Variants in PHKA1 observed in about 807,000 individuals in gnomAD.
The protein encoded by PHKA1 is phosphorylase b kinase regulatory subunit alpha, skeletal muscle isoform.
In PHKA1, 60 loss-of-function variants were observed where a neutral mutation model predicts 110.2. The observed-to-expected ratio is 0.54, with a 90% confidence interval of 0.44 to 0.68. The LOEUF (loss-of-function observed/expected upper bound fraction) is 0.68. Among genes scored for constraint, PHKA1 ranks in the 30% least tolerant of loss-of-function variants. PHKA1 has a pLI of 0.00. For missense variants in PHKA1, 801 were observed against 942.5 expected (o/e 0.85, Z 1.97); for synonymous variants, 316 against 333.6 (o/e 0.95, Z 0.58).
intron 4 of PHKA1, among the ~76,000 whole-genome samples, chrX:72,694,954 G>A (rs1208046068): frequency 8.9e-6 from 1 of 111,759 alleles, no homozygotes; most frequent in East Asian, 2.8e-4. Flanking sequence ...TGGGTAGCCA[G>A]TTCATACTTT....
Position 72,657,426 on chromosome X carries a change from G to T in PHKA1, c.918+162C>A, listed in dbSNP as rs189664142. 3.1e-3 allele frequency among the ~76,000 whole-genome samples: 346 copies of T among 111,995 alleles called. 1 individual carries two copies. Among genetic ancestry groups the T allele is most frequent in the African/African-American group, 0.011 (337 of 30,856 alleles). On this transcript the variant is annotated intron_variant, in intron 9 of 31. Transcript: ENST00000373542. The stretch of plus-strand genomic sequence containing the variant: ...GAAAGGCCTACAAACTGAGAACTTG[G>T]CAGCTAAGCCAAGTTCAACAAATAT...
At chrX:72,681,396 G>C (rs1416974939) in intron 5 of PHKA1, among the ~76,000 whole-genome samples, 4 of 106,720 alleles carry the variant, frequency 3.7e-5, no homozygotes, top group Non-Finnish European at 5.9e-5. Flanking sequence ...AGGGAGGTGG[G>C]GGGGGGTCAG....
chrX:72,614,226 A>G (rs1271743632), intron 21 of PHKA1, among the ~76,000 whole-genome samples: 1 of 111,280 alleles, frequency 9.0e-6, no homozygotes, highest in African/African-American at 3.3e-5. Context: ...CTTACTCTCA[A>G]ATGGTTCAGA....
intron 7 of PHKA1, among the ~76,000 whole-genome samples, chrX:72,666,573 C>T (rs1171137040): frequency 1.8e-5 from 2 of 111,673 alleles, no homozygotes; most frequent in Non-Finnish European, 3.8e-5. Flanking sequence ...TGAAAATCAT[C>T]CCTTGTCTTA....
At chrX:72,589,543 T>C (rs1459785766) in intron 29 of PHKA1, among the ~76,000 whole-genome samples, 5 of 111,621 alleles carry the variant, frequency 4.5e-5, no homozygotes, top group Non-Finnish European at 9.4e-5. Flanking sequence ...TCTCTCACTA[T>C]TCCTATTCAA....
At chrX:72,686,705 CAG>C (rs2053970811) in intron 4 of PHKA1, among the ~76,000 whole-genome samples, 1 of 111,970 alleles carries the variant, frequency 8.9e-6, no homozygotes, top group Admixed American at 9.5e-5. Context: ...TTCAAACAAA[CAG>C]AAAAATATGG....
intron 29 of PHKA1, among the ~76,000 whole-genome samples, chrX:72,586,415 C>T (rs1026895998): frequency 2.7e-4 from 30 of 111,915 alleles, no homozygotes; most frequent in Admixed American, 8.5e-4. Flanking sequence ...CACCAAAACC[C>T]CATCTGTAGG....
chrX:72,664,282 T>C (rs2053594218), intron 8 of PHKA1, among the ~76,000 whole-genome samples: 1 of 111,070 alleles, frequency 9.0e-6, no homozygotes. Context: ...GGAGTAGCTA[T>C]ACTTATATCA....
At chrX:72,663,384 T>C (rs1333120841) in intron 8 of PHKA1, among the ~76,000 whole-genome samples, 1 of 109,063 alleles carries the variant, frequency 9.2e-6, no homozygotes, top group Admixed American at 9.7e-5. Flanking sequence ...CAGAACACCA[T>C]AAAGCAAACA....
At chrX:72,590,622 G>A (rs2052505771) in intron 29 of PHKA1, among the ~76,000 whole-genome samples, 1 of 111,903 alleles carries the variant, frequency 8.9e-6, no homozygotes, top group Non-Finnish European at 1.9e-5. Flanking sequence ...GAGTGCACAG[G>A]CAACCTACAG....
At chrX:72,614,130 T>TTATACTGTGCTTATGA (rs2052855043) in intron 21 of PHKA1, among the ~76,000 whole-genome samples, 1 of 112,258 alleles carries the variant, frequency 8.9e-6, no homozygotes, top group South Asian at 3.7e-4. Flanking sequence ...ACTTTGGCAA[T>TTATACTGTGCTTATGA]TATACTGTGC....
At chrX:72,647,234 T>G (rs1245413664) in intron 13 of PHKA1, among the ~76,000 whole-genome samples, 1 of 111,788 alleles carries the variant, frequency 8.9e-6, no homozygotes, top group East Asian at 2.8e-4. Context: ...ATCTCAGAAT[T>G]ATTTAGGAAA....
chrX:72,605,474 T>G (rs2052715499), intron 24 of PHKA1, 67 bp downstream of exon 24: 1 of 1,171,340 alleles, frequency 8.5e-7, no homozygotes, highest in South Asian at 1.8e-5. Context: ...CTTTGGAAAT[T>G]GCTAGATCAA....
At chrX:72,711,174 A>G (rs1031285971) in intron 2 of PHKA1, among the ~76,000 whole-genome samples, 1 of 111,434 alleles carries the variant, frequency 9.0e-6, no homozygotes, top group South Asian at 3.8e-4. Context: ...TAAATTCTTT[A>G]TAACTGGGCC....
At chrX:72,607,849 G>A (rs185682749) in intron 23 of PHKA1, among the ~76,000 whole-genome samples, 33 of 111,324 alleles carry the variant, frequency 3.0e-4, no homozygotes, top group Admixed American at 3.0e-3. Context: ...CATCTCCTTT[G>A]CAAAACTTCT....
At chrX:72,704,087 A>G (rs1603275948) in intron 3 of PHKA1, among the ~76,000 whole-genome samples, 1 of 112,644 alleles carries the variant, frequency 8.9e-6, no homozygotes. Context: ...GGCAGGAAAG[A>G]GAACCTAGAT....
intron 23 of PHKA1, among the ~76,000 whole-genome samples, chrX:72,606,048 G>C (rs1338861079): frequency 8.9e-6 from 1 of 111,810 alleles, no homozygotes; most frequent in East Asian, 2.8e-4. Context: ...ACATACATAG[G>C]ATGTGTAATG....
chrX:72,693,615 T>C (rs1371196543), intron 4 of PHKA1, among the ~76,000 whole-genome samples: 2 of 111,793 alleles, frequency 1.8e-5, no homozygotes, highest in Non-Finnish European at 3.8e-5. Context: ...ACCCTAATAG[T>C]GAAGTGGGCC....
At position 72,675,063 on chromosome X, in the gene PHKA1, C is replaced by T. The variant is rs1011691561; in HGVS notation, c.618+1007G>A. ...ATTAGCTGGGCATGGTGGCAGATGC[C>T]TGTAGTCCCAGCTACTCGGGAGGCT... is the stretch of plus-strand genomic sequence containing the variant. On this transcript the variant is annotated intron_variant, in intron 6 of 31. Coordinates refer to ENST00000373542, the MANE Select transcript of PHKA1 (RefSeq NM_002637.4). 2.1e-4 allele frequency among the ~76,000 whole-genome samples: 23 copies of T among 108,858 alleles called. No individual in the cohort carries two copies. In the East Asian group the frequency reaches 5.4e-3, roughly 26 times the overall value. The allele number at this position is 108,858 out of a possible 115,157, so 94.5% of individuals were successfully genotyped here. A position where few individuals can be genotyped will look rare whatever the true frequency, so the allele number is the denominator to read the frequency against.
Sources: allele counts gnomAD v4.1 joint callset (sites outside exome capture counted in the v4.1 genomes callset), GRCh38; gene constraint gnomAD v4.1.1; transcripts MANE v1.5; gene names NCBI Gene and HGNC (gene_info 2026-07-23, HGNC 2026-07-21).